ADAMTS17: variants seen among roughly 807,000 people sequenced by gnomAD.
ADAMTS17 encodes the protein A disintegrin and metalloproteinase with thrombospondin motifs 17.
ADAMTS17 carries 113 observed loss-of-function variants against 141.5 expected under a neutral mutation model. The ratio of observed to expected loss-of-function variants is 0.80; its 90% CI spans 0.69 to 0.93. The LOEUF is 0.93. ADAMTS17 is among the 40% of genes least tolerant of loss of function. ADAMTS17 has a pLI of 0.00. For missense variants in ADAMTS17, 1,659 were observed against 1,517.9 expected, an observed-to-expected ratio of 1.09 and a Z score of -1.54; for synonymous variants, 768 against 630.6, an observed-to-expected ratio of 1.22 and a Z score of -3.27.
intron 7 of ADAMTS17, among the ~76,000 whole-genome samples, chr15:100,233,712 TG>T (rs1485898392): frequency 3.9e-5 from 6 of 152,118 alleles, no homozygotes; most frequent in Non-Finnish European, 5.9e-5. Flanking sequence ...TCTGAGGAGA[TG>T]CTCTTGAACA....
chr15:100,226,998 A>G (rs2042331288), intron 7 of ADAMTS17, among the ~76,000 whole-genome samples: 1 of 152,136 alleles, frequency 6.6e-6, no homozygotes, highest in Non-Finnish European at 1.5e-5. Flanking sequence ...AAGAGACTAA[A>G]ATAAAGATCC....
rs150290429 is a variant in ADAMTS17 at position 100,261,607 on chromosome 15, C to T, written c.903G>A (p.Glu301=). ...PAKLSIGHHG[E]RSLESFCHWQ... ...AGTGACAGAAGCTCTCCAGGGACCG[C>T]TCACCATGGTGCCCAATGGACAACT... Residue 301 remains glutamate (E), a synonymous_variant, in exon 6 of 22, where the codon GAG becomes GAA. Coordinates refer to ENST00000268070, the MANE Select transcript of ADAMTS17 (RefSeq NM_139057.4). 1,089 of 1,614,048 alleles carry T rather than the reference C, an allele frequency of 6.7e-4. 1 individual carries two copies. The highest frequency in any genetic ancestry group is 8.7e-4 in the Non-Finnish European group (1,026 of 1,179,972).
intron 3 of ADAMTS17, among the ~76,000 whole-genome samples, chr15:100,316,515 T>G (rs990389728): frequency 1.3e-5 from 2 of 152,104 alleles, no homozygotes; most frequent in African/African-American, 4.8e-5. Context: ...CCCCTTCCGG[T>G]GGATTTTCCA....
At chr15:100,272,476 T>C (rs2043947473) in intron 4 of ADAMTS17, among the ~76,000 whole-genome samples, 1 of 151,494 alleles carries the variant, frequency 6.6e-6, no homozygotes, top group African/African-American at 2.4e-5. Context: ...GTTTTCTTAA[T>C]TTTCTTTTCA....
chr15:100,109,237 G>C, intron 13 of ADAMTS17, 121 bp from the exon 14 acceptor site: 2 of 926,752 alleles, frequency 2.2e-6, no homozygotes, highest in Non-Finnish European at 3.0e-6. Flanking sequence ...GTCAGTAAAG[G>C]TGCATGAGCT....
chr15:100,324,089 G>A (rs2045823391), intron 3 of ADAMTS17, among the ~76,000 whole-genome samples: 2 of 151,648 alleles, frequency 1.3e-5, no homozygotes, highest in Non-Finnish European at 2.9e-5. Flanking sequence ...CAGATCACCT[G>A]AGGTCAGGAG....
intron 3 of ADAMTS17, among the ~76,000 whole-genome samples, chr15:100,327,653 A>G (rs1475389985): frequency 1.3e-5 from 2 of 152,272 alleles, no homozygotes; most frequent in African/African-American, 4.8e-5. Flanking sequence ...CAGAAGGAAG[A>G]TTAGAACGTT....
intron 8 of ADAMTS17, among the ~76,000 whole-genome samples, chr15:100,192,525 C>G (rs539027229): frequency 6.6e-6 from 1 of 152,328 alleles, no homozygotes; most frequent in Admixed American, 6.5e-5. Context: ...TCTCTCTCTG[C>G]ATACCTTCCT....
chr15:99,994,382 C>T (rs2060753992), intron 19 of ADAMTS17, among the ~76,000 whole-genome samples: 1 of 151,072 alleles, frequency 6.6e-6, no homozygotes, highest in Admixed American at 6.6e-5. Context: ...CTTTGGGAGG[C>T]TGAGGTGGGA....
chr15:99,982,177 C>T (rs1596148593), intron 20 of ADAMTS17, among the ~76,000 whole-genome samples: 1 of 152,380 alleles, frequency 6.6e-6, no homozygotes, highest in Admixed American at 6.5e-5. Context: ...TGGAGCTCCA[C>T]AAATCCTGCT....
At chr15:100,182,300 G>T (rs60975353) in intron 8 of ADAMTS17, among the ~76,000 whole-genome samples, 15,271 of 152,138 alleles carry the variant, frequency 0.1, 1,425 homozygotes, top group African/African-American at 0.24. Flanking sequence ...GATCAGATCT[G>T]GTGAGCACTC....
At chr15:100,016,845 C>T (rs2141426807) in intron 18 of ADAMTS17, among the ~76,000 whole-genome samples, 1 of 152,294 alleles carries the variant, frequency 6.6e-6, no homozygotes, top group Non-Finnish European at 1.5e-5. Context: ...GGTTGGCCTC[C>T]TGCCAGGAGG....
chr15:100,096,568 C>G (rs1338901242), intron 14 of ADAMTS17, 92 bp from the exon 15 acceptor site: 2 of 1,559,288 alleles, frequency 1.3e-6, no homozygotes, highest in African/African-American at 1.4e-5. Context: ...CCATGAGGTG[C>G]AGCATACATG....
At chr15:100,016,998 T>A (rs2141427456) in intron 18 of ADAMTS17, among the ~76,000 whole-genome samples, 1 of 152,186 alleles carries the variant, frequency 6.6e-6, no homozygotes, top group South Asian at 2.1e-4. Context: ...TGGGCAGGGG[T>A]GGACGCGTCT....
chr15:100,217,417 G>A (rs1315034729), intron 7 of ADAMTS17, among the ~76,000 whole-genome samples: 4 of 152,114 alleles, frequency 2.6e-5, no homozygotes, highest in Non-Finnish European at 4.4e-5. Flanking sequence ...GGCCAACACG[G>A]GAAAACCCTG....
intron 7 of ADAMTS17, among the ~76,000 whole-genome samples, chr15:100,216,138 C>G (rs2041961716): frequency 1.3e-5 from 2 of 152,144 alleles, no homozygotes; most frequent in Non-Finnish European, 1.5e-5. Context: ...AAGCCTTGTG[C>G]CCCCTTTTGT....
At chr15:100,169,969 C>T (rs941901852) in intron 8 of ADAMTS17, among the ~76,000 whole-genome samples, 3 of 152,166 alleles carry the variant, frequency 2.0e-5, no homozygotes, top group African/African-American at 7.2e-5. Flanking sequence ...GGTTGGTTCC[C>T]TTCTTCCCGG....
At chr15:100,029,684 T>C (rs2029935432) in intron 18 of ADAMTS17, among the ~76,000 whole-genome samples, 1 of 152,156 alleles carries the variant, frequency 6.6e-6, no homozygotes, top group Admixed American at 6.5e-5. Flanking sequence ...CGACTACCTT[T>C]CCCTCCTAGA....
rs73472495 is a variant in ADAMTS17 at position 100,050,236 on chromosome 15, C to T, written c.2456-1244G>A. On this transcript the variant is annotated intron_variant, in intron 17 of 21. Transcript: ENST00000268070. The stretch of plus-strand genomic sequence containing the variant: ...ATCAGTGTCATAAAAGGATTGCCAC[C>T]AAGCCAACAGCAACAGAACAGCCTG... Among the ~76,000 whole-genome samples the T allele has an allele frequency of 5.1e-3, 771 of 152,284 alleles. 9 individuals are homozygous for T. The highest frequency in any genetic ancestry group is 0.017 in the African/African-American group (705 of 41,550).
Sources: allele counts gnomAD v4.1 joint callset (sites outside exome capture counted in the v4.1 genomes callset), GRCh38; gene constraint gnomAD v4.1.1; transcripts MANE v1.5; gene names NCBI Gene and HGNC (gene_info 2026-07-23, HGNC 2026-07-21).